Variants in FANCI observed in about 807,000 individuals in gnomAD.
The protein encoded by FANCI is FA complementation group I.
FANCI carries 156 observed loss-of-function variants against 176.1 expected under a neutral mutation model. That is an observed-to-expected ratio of 0.89 (90% CI 0.78 to 1.01). The LOEUF (loss-of-function observed/expected upper bound fraction) is 1.01. Among genes scored for constraint, FANCI ranks in the 50% least tolerant of loss-of-function variants. The pLI, the probability that FANCI is intolerant of heterozygous loss-of-function variation, is 0.00. For missense variants in FANCI, 1,678 were observed against 1,534.1 expected (o/e 1.09, Z -1.57); for synonymous variants, 613 against 541.7 (o/e 1.13, Z -1.83).
intron 2 of FANCI, among the ~76,000 whole-genome samples, chr15:89,252,950 C>T (rs2052326239): frequency 6.6e-6 from 1 of 152,140 alleles, no homozygotes. Flanking sequence ...TATAAGTTGA[C>T]TGCAAAATTC....
At chr15:89,270,050 A>G (rs2053139535) in intron 10 of FANCI, among the ~76,000 whole-genome samples, 1 of 152,054 alleles carries the variant, frequency 6.6e-6, no homozygotes, top group Middle Eastern at 3.2e-3. Flanking sequence ...GCCTCAAGTG[A>G]TCTGCCTGCC....
intron 30 of FANCI, 80 bp downstream of exon 30, chr15:89,305,489 T>C (rs1366533362): frequency 6.2e-7 from 1 of 1,607,894 alleles, no homozygotes; most frequent in Non-Finnish European, 8.5e-7. Flanking sequence ...TTGTGTCCTA[T>C]AGCGGCTTGT....
chr15:89,269,906 G>A (rs1361097822), intron 10 of FANCI, among the ~76,000 whole-genome samples: 1 of 152,060 alleles, frequency 6.6e-6, no homozygotes, highest in East Asian at 1.9e-4. Flanking sequence ...CACCTCCCAG[G>A]TTCAAGTGAT....
rs778641563 is a variant in FANCI, at chr15:89,305,098, T to C, written c.3059-17T>C. Reference sequence around the variant, plus strand: ...GCCACAACTTACCTTTTAATTTGCTTTTCTTCCTATTCCTAGAGGATGCCT... The same window carrying C: ...GCCACAACTTACCTTTTAATTTGCTCTTCTTCCTATTCCTAGAGGATGCCT... On this transcript the variant is annotated splice_polypyrimidine_tract_variant and intron_variant, in intron 28 of 37. Coordinates refer to ENST00000310775, the MANE Select transcript of FANCI (RefSeq NM_001113378.2). 1.2e-6 allele frequency: 2 copies of C among 1,613,704 alleles called. No homozygotes were observed. Among genetic ancestry groups the C allele is most frequent in the Non-Finnish European group, 1.7e-6 (2 of 1,179,910 alleles).
chr15:89,270,474 A>G (rs1356242459), intron 10 of FANCI, among the ~76,000 whole-genome samples: 1 of 152,178 alleles, frequency 6.6e-6, no homozygotes, highest in Non-Finnish European at 1.5e-5. Context: ...CTTGGCCTAA[A>G]TCAGTAATTA....
At chr15:89,264,063 G>A in intron 8 of FANCI, 37 bp downstream of exon 8, 3 of 1,612,792 alleles carry the variant, frequency 1.9e-6, no homozygotes, top group Non-Finnish European at 2.5e-6. Flanking sequence ...AGTTCTGGTG[G>A]TATGACCAGT....
At chr15:89,244,370 A>C (rs945345009) in intron 1 of FANCI, 1 of 152,116 alleles carries the variant, frequency 6.6e-6, no homozygotes, top group Non-Finnish European at 1.5e-5. Context: ...TTCGTGTTAT[A>C]GTTTTTGTAT....
intron 3 of FANCI, 146 bp from the exon 4 acceptor site, chr15:89,260,567 C>T: frequency 1.9e-6 from 2 of 1,038,688 alleles, no homozygotes; most frequent in Non-Finnish European, 2.9e-6. Flanking sequence ...TTTCAAAGCC[C>T]TTAACCATTG....
At chr15:89,269,401 G>A (rs2053110491) in intron 10 of FANCI, among the ~76,000 whole-genome samples, 1 of 151,408 alleles carries the variant, frequency 6.6e-6, no homozygotes, top group Admixed American at 6.6e-5. Context: ...TTTTGCAGCT[G>A]TGTTTTTTTT....
chr15:89,297,056 T>C (rs28756849), intron 24 of FANCI, among the ~76,000 whole-genome samples: 71,169 of 143,732 alleles, frequency 0.5, 17,659 homozygotes, highest in African/African-American at 0.56. Flanking sequence ...GGCTGCCGGG[T>C]GGAGACGCTC....
At chr15:89,283,450 A>G (rs74834614) in intron 17 of FANCI, among the ~76,000 whole-genome samples, 200 bp downstream of exon 17, 253 of 152,324 alleles carry the variant, frequency 1.7e-3, no homozygotes, top group African/African-American at 5.7e-3. Flanking sequence ...ACTGTATGCT[A>G]AACTGTGCTA....
At chr15:89,262,353 A>C (rs2052749271) in intron 6 of FANCI, among the ~76,000 whole-genome samples, 1 of 152,144 alleles carries the variant, frequency 6.6e-6, no homozygotes. Context: ...ACATACAAGA[A>C]AATCCTCACA....
chr15:89,307,420 A>T (rs74034406), intron 32 of FANCI, 56 bp from the exon 33 acceptor site: 3 of 1,520,374 alleles, frequency 2.0e-6, no homozygotes, highest in Non-Finnish European at 2.7e-6. Context: ...TCACTGCAGC[A>T]GTCACTTGTA....
intron 2 of FANCI, among the ~76,000 whole-genome samples, chr15:89,252,554 A>G (rs2052305263): frequency 6.6e-6 from 1 of 152,032 alleles, no homozygotes; most frequent in Non-Finnish European, 1.5e-5. Context: ...AGCCTGGCCA[A>G]CATGGTGAAA....
Position 89,273,415 on chromosome 15 carries a change from CTTCAGCAT to C in FANCI, c.923_930del (p.Phe308CysfsTer18). On this transcript the variant is annotated frameshift_variant, in exon 11 of 38. Transcript: ENST00000310775. LOFTEE classifies it high-confidence loss of function. The stretch of plus-strand genomic sequence containing the variant: ...GAGATTCCAATAATAACTTAAGTCC[CTTCAGCAT>C]TGCTCTTCTTCTGTCTGTAACAAGA... The C allele has an allele frequency of 6.2e-7, 1 of 1,609,030 alleles. No individual in the cohort carries two copies. Among genetic ancestry groups the C allele is most frequent in the East Asian group, 2.2e-5 (1 of 44,772 alleles).
Position 89,296,492 on chromosome 15 carries a change from A to G in FANCI, c.2636+1398A>G, listed in dbSNP as rs184068144. 3.6e-3 allele frequency among the ~76,000 whole-genome samples: 554 copies of G among 152,096 alleles called. 5 individuals carry two copies. Among genetic ancestry groups the G allele is most frequent in the African/African-American group, 0.013 (533 of 41,466 alleles). ...CCTGAGTGGACACAGCACATGTTTC[A>G]GAGAGCACGGGGTTGCGGGTAAGGT... On this transcript the variant is annotated intron_variant, in intron 24 of 37. Transcript: ENST00000310775.
intron 10 of FANCI, among the ~76,000 whole-genome samples, chr15:89,271,078 A>C (rs549634886): frequency 6.6e-6 from 1 of 151,294 alleles, no homozygotes; most frequent in Admixed American, 6.6e-5. Context: ...TTTCCATTTG[A>C]TTGCTGTTTT....
Position 89,300,279 on chromosome 15 carries a change from G to C in FANCI, c.2804-21G>C, listed in dbSNP as rs989200918. 5 of 1,604,896 alleles carry C rather than the reference G, an allele frequency of 3.1e-6. No homozygotes were observed. In the African/African-American group the frequency reaches 5.4e-5, roughly 17 times the overall value. On this transcript the variant is annotated intron_variant, in intron 25 of 37. Transcript: ENST00000310775. ...TATGAGTTTATATCAAAGAAGACAA[G>C]AGTTTCTTTTCCATTCCTAGATGTC...
At chr15:89,291,008 C>T (rs890153023) in intron 19 of FANCI, among the ~76,000 whole-genome samples, 7 of 152,090 alleles carry the variant, frequency 4.6e-5, no homozygotes, top group Admixed American at 6.6e-5. Context: ...TACATTCACA[C>T]GTTTAACAAA....
Sources: allele counts gnomAD v4.1 joint callset (sites outside exome capture counted in the v4.1 genomes callset), GRCh38; gene constraint gnomAD v4.1.1; transcripts MANE v1.5; gene names NCBI Gene and HGNC (gene_info 2026-07-23, HGNC 2026-07-21).